The following UBR3 variants were observed in gnomAD, a reference collection of about 807,000 sequenced individuals.
The protein encoded by UBR3 is E3 ubiquitin-protein ligase UBR3.
Under a neutral mutation model 243.2 loss-of-function variants are expected in UBR3, and 85 were observed. The ratio of observed to expected loss-of-function variants is 0.35; its 90% CI spans 0.29 to 0.42. The LOEUF (loss-of-function observed/expected upper bound fraction) is 0.42, where lower values mean the gene tolerates loss of function less well. Among genes scored for constraint, UBR3 ranks in the 10% least tolerant of loss-of-function variants. The pLI is 1.00. For missense variants in UBR3, 1,686 were observed against 2,300.8 expected (o/e 0.73, Z 5.47); for synonymous variants, 748 against 799.8 (o/e 0.94, Z 1.09).
chr2:169,913,962 A>G (rs1574188080), intron 10 of UBR3, 98 bp from the exon 11 acceptor site: 1 of 473,762 alleles, frequency 2.1e-6, no homozygotes, highest in Non-Finnish European at 3.2e-6. Context: ...ACATTTTACC[A>G]TTTTATATAT....
At chr2:169,950,851 A>G (rs1388296807) in intron 23 of UBR3, among the ~76,000 whole-genome samples, 1 of 152,112 alleles carries the variant, frequency 6.6e-6, no homozygotes, top group East Asian at 1.9e-4. Flanking sequence ...AACTCTGCAT[A>G]ATTGTCAAAC....
chr2:169,941,976 C>T (rs2086609276), intron 19 of UBR3, among the ~76,000 whole-genome samples: 1 of 152,204 alleles, frequency 6.6e-6, no homozygotes, highest in Non-Finnish European at 1.5e-5. Flanking sequence ...CCCAACATAC[C>T]TTGTGATCTG....
chr2:169,891,404 A>G (rs1172970138), intron 6 of UBR3, among the ~76,000 whole-genome samples, 173 bp downstream of exon 6: 1 of 152,088 alleles, frequency 6.6e-6, no homozygotes, highest in Non-Finnish European at 1.5e-5. Context: ...AGCGATTACT[A>G]TTGGGTTTTG....
chr2:169,979,075 C>T (rs1032944962), intron 24 of UBR3, among the ~76,000 whole-genome samples: 1 of 152,120 alleles, frequency 6.6e-6, no homozygotes, highest in Non-Finnish European at 1.5e-5. Context: ...AAACAAATAA[C>T]CTAGTTTTTA....
intron 32 of UBR3, among the ~76,000 whole-genome samples, chr2:170,050,196 T>C (rs910236488): frequency 1.9e-4 from 29 of 152,176 alleles, no homozygotes; most frequent in African/African-American, 7.0e-4. Context: ...AAAATAGACT[T>C]GAGTTTTTCA....
Position 169,925,747 on chromosome 2 carries a change from G to A in UBR3, c.2151G>A (p.Gln717=). The A allele has an allele frequency of 6.5e-7, 1 of 1,543,900 alleles. No individual in the cohort carries two copies. The highest frequency in any genetic ancestry group is 8.7e-7 in the Non-Finnish European group (1 of 1,144,044). The change falls in exon 14 of 39, where the codon CAG becomes CAA. Residue 717 remains glutamine (Q), a splice_region_variant and synonymous_variant. Transcript: ENST00000272793. ...TTGATCCTGACATTTACCTGTTACAGGTAAGCCAGCTAGATAATGCAGATA... is the reference window on the plus strand; with the variant it reads ...TTGATCCTGACATTTACCTGTTACAAGTAAGCCAGCTAGATAATGCAGATA... ...SMIDPDIYLL[Q]VCASRLDPDY...
chr2:170,040,979 C>G lies in UBR3; in HGVS notation c.4654C>G (p.Arg1552Gly), dbSNP rs139002361. 6.2e-7 allele frequency: 1 copy of G among 1,610,492 alleles called. No individual in the cohort carries two copies. The highest frequency in any genetic ancestry group is 8.5e-7 in the Non-Finnish European group (1 of 1,177,232). ...GATCTTAATGATGCCACAACCCTTACGCAAAGGTATGTCTTTATAATTCAG... is the reference window on the plus strand; with the variant it reads ...GATCTTAATGATGCCACAACCCTTAGGCAAAGGTATGTCTTTATAATTCAG... ...IQILMMPQPL[R>G]KDHFTCIVKV... The change falls in exon 32 of 39, where the codon CGC (arginine) becomes GGC (glycine). Residue 1552 changes from arginine (R) to glycine (G), a missense_variant. Physicochemically the swap from Arg to Gly is moderately radical, Grantham distance 125. This residue lies in a region of UBR3 where 371 missense variants were observed against 422.5 expected (regional missense o/e 0.88). Transcript: ENST00000272793.
chr2:170,051,164 A>G (rs1045430244), intron 32 of UBR3, among the ~76,000 whole-genome samples: 4 of 152,044 alleles, frequency 2.6e-5, no homozygotes, highest in African/African-American at 9.7e-5. Flanking sequence ...TTGAGCCATG[A>G]TTGGCTGAAT....
At chr2:170,012,827 C>T (rs1383055159) in intron 29 of UBR3, among the ~76,000 whole-genome samples, 1 of 152,078 alleles carries the variant, frequency 6.6e-6, no homozygotes, top group Non-Finnish European at 1.5e-5. Flanking sequence ...TGTGTGTACA[C>T]ACGTTTGCTT....
chr2:170,004,973 C>G (rs1438609653), intron 27 of UBR3, among the ~76,000 whole-genome samples: 1 of 152,024 alleles, frequency 6.6e-6, no homozygotes, highest in Admixed American at 6.5e-5. Context: ...CCTGTAATCC[C>G]AGCACTTTGG....
chr2:169,927,045 T>A, intron 16 of UBR3, 74 bp downstream of exon 16: 8 of 1,483,580 alleles, frequency 5.4e-6, no homozygotes, highest in Non-Finnish European at 7.3e-6. Flanking sequence ...TGGTAGTAAC[T>A]GGCTTAGGGA....
intron 24 of UBR3, 150 bp from the exon 25 acceptor site, chr2:169,986,495 G>C: frequency 1.6e-6 from 1 of 608,626 alleles, no homozygotes; most frequent in South Asian, 3.1e-5. Context: ...TATTTTACTT[G>C]AGTAAGGTTA....
chr2:170,056,213 G>A (rs2091333049), intron 33 of UBR3, among the ~76,000 whole-genome samples: 1 of 151,746 alleles, frequency 6.6e-6, no homozygotes, highest in Non-Finnish European at 1.5e-5. Flanking sequence ...TCACCATGTT[G>A]GCCAGGCTGG....
chr2:169,934,725 A>G lies in UBR3; in HGVS notation c.2663+1717A>G, dbSNP rs1353537031. 2.0e-5 allele frequency among the ~76,000 whole-genome samples: 3 copies of G among 152,242 alleles called. No individual in the cohort carries two copies. In the East Asian group the frequency reaches 5.8e-4, roughly 29 times the overall value. On this transcript the variant is annotated intron_variant, in intron 19 of 38. Coordinates refer to ENST00000272793, the MANE Select transcript of UBR3 (RefSeq NM_172070.4). ...TGTTCTCACAATTTAGCTCTGTGCC[A>G]GGCACTTTAAAGGCAATCAGTAAAT...
intron 1 of UBR3, among the ~76,000 whole-genome samples, chr2:169,846,989 T>A (rs1377996655): frequency 6.6e-6 from 1 of 152,142 alleles, no homozygotes; most frequent in East Asian, 1.9e-4. Flanking sequence ...GCTGGCCCCT[T>A]GGCCTTTCAA....
At position 169,830,701 on chromosome 2, in the gene UBR3, T is replaced by G. The variant is rs74458429; in HGVS notation, c.545+2649T>G. 2.9e-3 allele frequency among the ~76,000 whole-genome samples: 439 copies of G among 152,254 alleles called. 2 individuals carry two copies. The highest frequency in any genetic ancestry group is 1.0e-2 in the African/African-American group (414 of 41,560). On this transcript the variant is annotated intron_variant, in intron 1 of 38. Coordinates refer to ENST00000272793, the MANE Select transcript of UBR3 (RefSeq NM_172070.4). ...ATTCTTATTTGGGCCTTTGTTTCTT[T>G]CTTTTTAAACTTTTTTTGTTTGTTT... is the stretch of plus-strand genomic sequence containing the variant.
intron 18 of UBR3, 66 bp downstream of exon 18, chr2:169,928,934 A>G (rs2086011706): frequency 1.7e-5 from 21 of 1,243,238 alleles, no homozygotes; most frequent in Admixed American, 3.5e-5. Context: ...TCTTCTGTGT[A>G]TTAAAAGAAA....
intron 36 of UBR3, among the ~76,000 whole-genome samples, chr2:170,076,250 A>G (rs79687451): frequency 0.016 from 2,442 of 152,316 alleles, 29 homozygotes; most frequent in Non-Finnish European, 0.021. Context: ...AATGTTATTA[A>G]TATAAGAAAG....
At chr2:169,948,317 T>G (rs908653571) in intron 22 of UBR3, among the ~76,000 whole-genome samples, 2 of 152,024 alleles carry the variant, frequency 1.3e-5, no homozygotes, top group African/African-American at 4.8e-5. Context: ...GCTAGCAGCA[T>G]GCTCATTTGC....
Sources: allele counts gnomAD v4.1 joint callset (sites outside exome capture counted in the v4.1 genomes callset), GRCh38; gene constraint gnomAD v4.1.1; regional missense constraint gnomAD v4.1.1; transcripts MANE v1.5; gene names NCBI Gene and HGNC (gene_info 2026-07-23, HGNC 2026-07-21).